GDAP1L1: variants seen among roughly 807,000 people sequenced by gnomAD.
GDAP1L1 encodes ganglioside-induced differentiation-associated protein 1-like 1.
A neutral mutation model predicts 37.1 loss-of-function variants in GDAP1L1; 21 were observed. The observed-to-expected ratio is 0.57, with a 90% CI of 0.40 to 0.81. The LOEUF is 0.81. Among genes scored for constraint, GDAP1L1 ranks in the 40% least tolerant of loss-of-function variants. The pLI, the probability that GDAP1L1 is intolerant of heterozygous loss-of-function variation, is 0.00. For synonymous variants in GDAP1L1, 193 were observed against 209.1 expected, an observed-to-expected ratio of 0.92 and a Z score of 0.67; for missense variants, 362 against 491.6, an observed-to-expected ratio of 0.74 and a Z score of 2.49.
At chr20:44,276,267 G>A (rs1204187723) in intron 5 of GDAP1L1, among the ~76,000 whole-genome samples, 2 of 151,456 alleles carry the variant, frequency 1.3e-5, no homozygotes, top group African/African-American at 4.9e-5. Context: ...CCCTGGAGGT[G>A]GAGGTTGCAG....
Position 44,279,355 on chromosome 20 carries a change from C to T in GDAP1L1, c.*55C>T. ...TCGGTGTCTCTGTGCTGTGTGATTC[C>T]CCGTGAGCTCTCAGTAACTCACTGT... On this transcript the variant is annotated 3_prime_UTR_variant, in exon 6 of 6. Coordinates refer to ENST00000342560, the MANE Select transcript of GDAP1L1 (RefSeq NM_024034.6). The T allele has an allele frequency of 8.7e-7, 1 of 1,149,802 alleles. No homozygotes were observed. The highest frequency in any genetic ancestry group is 1.3e-6 in the Non-Finnish European group (1 of 774,574). The allele number at this position is 1,149,802 out of a possible 1,614,324, so 71.2% of individuals were successfully genotyped here.
At chr20:44,277,677 T>C (rs1444629744) in intron 5 of GDAP1L1, among the ~76,000 whole-genome samples, 1 of 152,094 alleles carries the variant, frequency 6.6e-6, no homozygotes, top group Non-Finnish European at 1.5e-5. Flanking sequence ...GAATAGACTC[T>C]AGGGGACAAG....
chr20:44,252,015 A>G (rs2073454493), intron 1 of GDAP1L1, among the ~76,000 whole-genome samples: 1 of 152,236 alleles, frequency 6.6e-6, no homozygotes, highest in South Asian at 2.1e-4. Context: ...GAAGTGATGA[A>G]AATATCTGAT....
At chr20:44,260,285 C>CA (rs113753379) in intron 3 of GDAP1L1, among the ~76,000 whole-genome samples, 2,598 of 110,018 alleles carry the variant, frequency 0.024, 68 homozygotes, top group African/African-American at 0.06. Context: ...AAGTGAAGGG[C>CA]AAAAAAAAAA....
rs752606108 is a variant in GDAP1L1 at position 44,258,657 on chromosome 20, G to A, written c.547+50G>A. ...CCCCTCTGCTTTCCCCCTTTGCGCC[G>A]CTCCTTTCTTCCAAAGGATGTCCTC... On this transcript the variant is annotated intron_variant, in intron 3 of 5. Coordinates refer to ENST00000342560, the MANE Select transcript of GDAP1L1 (RefSeq NM_024034.6). The A allele has an allele frequency of 1.0e-5, 14 of 1,382,734 alleles. No homozygotes were observed. The East Asian group carries it at 1.5e-4, about 15-fold the overall frequency. 85.7% of individuals were successfully genotyped at this position (1,382,734 alleles called of 1,614,324 possible).
chr20:44,251,831 G>T (rs1394415193), intron 1 of GDAP1L1, among the ~76,000 whole-genome samples: 1 of 150,426 alleles, frequency 6.6e-6, no homozygotes, highest in Non-Finnish European at 1.5e-5. Context: ...AAATGTATAG[G>T]ATTTTTAGAT....
upstream of GDAP1L1, chr20:44,247,286 G>C (rs2145976163): frequency 6.3e-7 from 1 of 1,592,692 alleles, no homozygotes; most frequent in Non-Finnish European, 8.6e-7. Context: ...GCGAGAGAGA[G>C]CCGCCGCGCC....
chr20:44,260,182 T>C (rs1409520959), intron 3 of GDAP1L1, among the ~76,000 whole-genome samples: 1 of 151,914 alleles, frequency 6.6e-6, no homozygotes, highest in African/African-American at 2.4e-5. Context: ...AAATAAGTTA[T>C]GGGTACTTCC....
intron 1 of GDAP1L1, among the ~76,000 whole-genome samples, chr20:44,251,993 T>A (rs2073453832): frequency 6.6e-6 from 1 of 152,224 alleles, no homozygotes; most frequent in Non-Finnish European, 1.5e-5. Flanking sequence ...TTGAGACAAC[T>A]GCAACAACTG....
intron 1 of GDAP1L1, 50 bp downstream of exon 1, chr20:44,247,564 A>G: frequency 7.0e-7 from 1 of 1,430,112 alleles, no homozygotes; most frequent in East Asian, 2.6e-5. Flanking sequence ...AAGCTTGGGG[A>G]GGGGAGCCCC....
chr20:44,265,812 T>A (rs1193869622), intron 5 of GDAP1L1, among the ~76,000 whole-genome samples: 1 of 152,124 alleles, frequency 6.6e-6, no homozygotes, highest in African/African-American at 2.4e-5. Context: ...AGGCAGCTCA[T>A]AGATGTCATG....
intron 5 of GDAP1L1, 135 bp from the exon 6 acceptor site, chr20:44,278,822 T>C: frequency 1.6e-6 from 1 of 611,004 alleles, no homozygotes; most frequent in East Asian, 2.7e-5. Flanking sequence ...CAAAAATCAC[T>C]GAAGTTGTAC....
chr20:44,253,339 T>C (rs2073480167), intron 1 of GDAP1L1, among the ~76,000 whole-genome samples: 1 of 152,160 alleles, frequency 6.6e-6, no homozygotes, highest in Non-Finnish European at 1.5e-5. Context: ...AGCTGTAAGG[T>C]GTTATGTTAA....
chr20:44,261,385 T>C (rs1281721189), intron 3 of GDAP1L1, among the ~76,000 whole-genome samples: 1 of 152,210 alleles, frequency 6.6e-6, no homozygotes, highest in Admixed American at 6.5e-5. Context: ...GTGCGTTTAC[T>C]GGGATTTGTG....
At chr20:44,277,840 T>C (rs2062599616) in intron 5 of GDAP1L1, among the ~76,000 whole-genome samples, 1 of 151,976 alleles carries the variant, frequency 6.6e-6, no homozygotes, top group South Asian at 2.1e-4. Flanking sequence ...GCTGACAAAT[T>C]GTATGTGGGG....
At chr20:44,258,090 A>G in intron 2 of GDAP1L1, 1 of 710,758 alleles carries the variant, frequency 1.4e-6, no homozygotes, top group Middle Eastern at 2.3e-4. Flanking sequence ...ACTGTTTTAA[A>G]AGAATGTGAG....
At chr20:44,258,380 G>GCCGGGGCAGGTGC in intron 2 of GDAP1L1, 54 bp from the exon 3 acceptor site, 2 of 1,522,806 alleles carry the variant, frequency 1.3e-6, no homozygotes, top group Non-Finnish European at 1.8e-6. Context: ...GGGGCAGGTG[G>GCCGGGGCAGGTGC]CCGGGGCAGG....
chr20:44,249,421 T>G (rs1439587515), intron 1 of GDAP1L1, among the ~76,000 whole-genome samples: 1 of 152,146 alleles, frequency 6.6e-6, no homozygotes, highest in Non-Finnish European at 1.5e-5. Context: ...ATTCTGCACA[T>G]GCTTGCACGT....
intron 1 of GDAP1L1, among the ~76,000 whole-genome samples, chr20:44,251,871 G>A (rs1857093321): frequency 1.3e-5 from 2 of 152,096 alleles, no homozygotes; most frequent in African/African-American, 2.4e-5. Flanking sequence ...ATTGAAGTAC[G>A]GCGTTATATA....
Sources: allele counts gnomAD v4.1 joint callset (sites outside exome capture counted in the v4.1 genomes callset), GRCh38; gene constraint gnomAD v4.1.1; transcripts MANE v1.5; gene names NCBI Gene and HGNC (gene_info 2026-07-23, HGNC 2026-07-21).